The following CADM2 variants were observed in gnomAD, a reference collection of about 807,000 sequenced individuals.
CADM2 encodes the protein immunoglobulin superfamily member 4D.
Under a neutral mutation model 49.8 loss-of-function variants are expected in CADM2, and 12 were observed. The ratio of observed to expected loss-of-function variants is 0.24; its 90% CI spans 0.15 to 0.39. CADM2 has a LOEUF of 0.39. Ranked by LOEUF, CADM2 falls within the 10% of genes least tolerant of loss-of-function variation. CADM2 has a pLI of 1.00. For synonymous variants in CADM2, 214 were observed against 175.4 expected (o/e 1.22, Z -1.74); for missense variants, 378 against 492.3 (o/e 0.77, Z 2.20).
chr3:85,458,491 C>T (rs1195407578), intron 1 of CADM2, among the ~76,000 whole-genome samples: 2 of 152,142 alleles, frequency 1.3e-5, no homozygotes, highest in South Asian at 2.1e-4. Flanking sequence ...CTATATACTA[C>T]CTGAGTTGAA....
At chr3:85,290,847 A>G (rs952618106) in intron 1 of CADM2, among the ~76,000 whole-genome samples, 11 of 152,238 alleles carry the variant, frequency 7.2e-5, no homozygotes, top group Non-Finnish European at 1.0e-4. Flanking sequence ...AAAAAACAGA[A>G]CAGAAAAACT....
At chr3:85,427,621 T>A (rs1038062203) in intron 1 of CADM2, among the ~76,000 whole-genome samples, 2 of 152,096 alleles carry the variant, frequency 1.3e-5, no homozygotes, top group African/African-American at 4.8e-5. Context: ...ATCCTTCAAT[T>A]GTAATGTAAC....
At chr3:85,654,077 C>T (rs1387459383) in intron 1 of CADM2, among the ~76,000 whole-genome samples, 1 of 152,212 alleles carries the variant, frequency 6.6e-6, no homozygotes, top group African/African-American at 2.4e-5. Flanking sequence ...ACATACCTGA[C>T]TGGAGTGAGC....
chr3:85,475,883 T>C (rs1339231199), intron 1 of CADM2, among the ~76,000 whole-genome samples: 2 of 151,944 alleles, frequency 1.3e-5, no homozygotes, highest in Admixed American at 6.6e-5. Context: ...TCAATTGATA[T>C]ACTTTATTAA....
intron 1 of CADM2, among the ~76,000 whole-genome samples, chr3:85,537,618 TGTCATGACTATTTAAC>T (rs2061454034): frequency 2.4e-5 from 1 of 42,402 alleles, no homozygotes; most frequent in Admixed American, 3.8e-4. Context: ...CTATTTAACA[TGTCATGACTATTTAAC>T]ATGTCTATTT....
chr3:85,671,639 G>A (rs2065739678), intron 1 of CADM2, among the ~76,000 whole-genome samples: 1 of 152,040 alleles, frequency 6.6e-6, no homozygotes, highest in South Asian at 2.1e-4. Flanking sequence ...CAGCCACACT[G>A]GCCTTTTTCC....
chr3:85,344,329 A>T (rs4856567), intron 1 of CADM2, among the ~76,000 whole-genome samples: 2 of 151,120 alleles, frequency 1.3e-5, no homozygotes, highest in East Asian at 1.9e-4. Flanking sequence ...TACAGTGAGC[A>T]GAGATTGCGC....
intron 1 of CADM2, among the ~76,000 whole-genome samples, chr3:85,723,236 G>T (rs1380681684): frequency 3.3e-5 from 5 of 152,164 alleles, no homozygotes; most frequent in African/African-American, 9.6e-5. Context: ...GTAACAATTT[G>T]CTGCTTTTAT....
chr3:85,883,219 AAAATATATAGTCT>A, intron 3 of CADM2, 59 bp from the exon 4 acceptor site: 1 of 1,264,896 alleles, frequency 7.9e-7, no homozygotes. Flanking sequence ...TATTGTGTTG[AAAATATATAGTCT>A]AAAAATACTG....
chr3:85,492,833 A>C (rs2039732447), intron 1 of CADM2, among the ~76,000 whole-genome samples: 1 of 152,144 alleles, frequency 6.6e-6, no homozygotes, highest in Admixed American at 6.6e-5. Context: ...CCAAACAATA[A>C]AGGTGTCATC....
chr3:85,643,553 C>T (rs1479164115), intron 1 of CADM2, among the ~76,000 whole-genome samples: 1 of 152,006 alleles, frequency 6.6e-6, no homozygotes, highest in Non-Finnish European at 1.5e-5. Context: ...ACTGAAATTA[C>T]AGTTTATTCA....
intron 3 of CADM2, among the ~76,000 whole-genome samples, chr3:85,807,471 C>A (rs906289195): frequency 3.4e-5 from 5 of 146,442 alleles, no homozygotes; most frequent in Admixed American, 6.9e-5. Context: ...TGCTCTCCAG[C>A]CTAGGCATCG....
intron 1 of CADM2, among the ~76,000 whole-genome samples, chr3:85,665,136 A>G (rs2065526530): frequency 6.6e-6 from 1 of 151,962 alleles, no homozygotes; most frequent in African/African-American, 2.4e-5. Context: ...ATCTGATATT[A>G]ATTACAAGCA....
chr3:85,671,714 C>G (rs1577059031), intron 1 of CADM2, among the ~76,000 whole-genome samples: 1 of 152,096 alleles, frequency 6.6e-6, no homozygotes, highest in East Asian at 1.9e-4. Flanking sequence ...TTCTCTATGC[C>G]TGGAAAATCT....
chr3:85,528,454 A>G (rs1160056206), intron 1 of CADM2, among the ~76,000 whole-genome samples: 3 of 152,238 alleles, frequency 2.0e-5, no homozygotes, highest in African/African-American at 7.2e-5. Context: ...AAATAACTGC[A>G]TGACACTCGA....
chr3:85,269,903 A>G (rs2106839035), intron 1 of CADM2, among the ~76,000 whole-genome samples: 1 of 151,362 alleles, frequency 6.6e-6, no homozygotes, highest in African/African-American at 2.4e-5. Context: ...ATCGTACTAG[A>G]TGTATTATTT....
intron 3 of CADM2, among the ~76,000 whole-genome samples, chr3:85,829,990 T>C (rs1343601855): frequency 6.6e-6 from 1 of 152,034 alleles, no homozygotes; most frequent in Admixed American, 6.6e-5. Context: ...AGTGCAGATA[T>C]CTCTTCCACA....
At chr3:85,471,975 A>C (rs17448879) in intron 1 of CADM2, among the ~76,000 whole-genome samples, 17,703 of 151,748 alleles carry the variant, frequency 0.12, 1,362 homozygotes, top group Non-Finnish European at 0.15. Context: ...AATGTGTTCA[A>C]TCTCTACGTA....
chr3:85,277,361 C>A, intron 1 of CADM2, among the ~76,000 whole-genome samples: 1 of 151,318 alleles, frequency 6.6e-6, no homozygotes, highest in East Asian at 1.9e-4. Context: ...ACGAGGCACA[C>A]CCAAGATTCA....
Sources: gnomAD v4.1 joint callset for allele counts (sites outside exome capture counted in the v4.1 genomes callset) on GRCh38, gnomAD v4.1.1 for gene constraint, MANE v1.5 for transcripts, NCBI Gene and HGNC (gene_info 2026-07-23, HGNC 2026-07-21) for gene names.